The following TPRG1 variants were observed in gnomAD, a reference collection of about 807,000 sequenced individuals.
TPRG1 encodes tumor protein p63-regulated gene 1 protein.
In TPRG1, 29 loss-of-function variants were observed where a neutral mutation model predicts 29.3. The ratio of observed to expected loss-of-function variants is 0.99; its 90% CI spans 0.74 to 1.35. TPRG1 has a LOEUF of 1.35. Ranked by LOEUF, TPRG1 falls within the 40% of genes most tolerant of loss-of-function variation. The probability of loss-of-function intolerance (pLI) is 0.00; values close to 1 mark genes in which losing one functional copy is unlikely to be tolerated. For synonymous variants in TPRG1, 130 were observed against 116.8 expected (o/e 1.11, Z -0.73); for missense variants, 327 against 335.0 (o/e 0.98, Z 0.19).
chr3:189,186,455 T>C (rs1158168953), intron 1 of TPRG1, among the ~76,000 whole-genome samples: 1 of 152,176 alleles, frequency 6.6e-6, no homozygotes, highest in African/African-American at 2.4e-5. Context: ...AAAAACCTAG[T>C]AACTTGTTTT....
chr3:189,176,580 G>T (rs1192205400), intron 1 of TPRG1, among the ~76,000 whole-genome samples: 1 of 152,212 alleles, frequency 6.6e-6, no homozygotes, highest in Non-Finnish European at 1.5e-5. Flanking sequence ...AAAGAGGATA[G>T]AAAGTTATGG....
At chr3:189,188,456 C>T (rs983442564) in intron 1 of TPRG1, among the ~76,000 whole-genome samples, 3 of 152,184 alleles carry the variant, frequency 2.0e-5, no homozygotes, top group Admixed American at 6.5e-5. Context: ...TGGAATCACT[C>T]GTCTGGATAG....
chr3:189,187,611 C>T (rs1326542858), intron 1 of TPRG1, among the ~76,000 whole-genome samples: 2 of 152,170 alleles, frequency 1.3e-5, no homozygotes, highest in Non-Finnish European at 2.9e-5. Flanking sequence ...GCCACCGTGC[C>T]CAGCCTCATC....
At position 189,068,947 on chromosome 3, in the gene TPRG1, G is replaced by A. The variant is rs887470660; in HGVS notation, c.-463+45001G>A. On this transcript the variant is annotated intron_variant, in intron 4 of 10. Coordinates refer to the TPRG1 transcript ENST00000433971. ...TTCCACTCATTTGTGGAAGCTAAAC[G>A]TTAAAACAATTGGATTCATGAAGGT... Among the ~76,000 whole-genome samples, 25 of 152,144 alleles carry A rather than the reference G, an allele frequency of 1.6e-4. No homozygotes were observed. In the East Asian group the frequency reaches 2.1e-3, roughly 13 times the overall value.
intron 3 of TPRG1, among the ~76,000 whole-genome samples, chr3:189,023,253 C>T (rs560327061): frequency 1.4e-4 from 22 of 152,298 alleles, no homozygotes; most frequent in East Asian, 3.9e-4. Context: ...GGCTCCTCCC[C>T]GAGCTCTGAG....
intron 2 of TPRG1, among the ~76,000 whole-genome samples, chr3:189,208,667 TGTGA>T (rs1440993352): frequency 6.6e-6 from 1 of 152,190 alleles, no homozygotes; most frequent in Non-Finnish European, 1.5e-5. Context: ...TGTGTGTTTG[TGTGA>T]GTGTTTCTGC....
At chr3:189,098,875 C>T (rs1718874990), upstream of TPRG1, among the ~76,000 whole-genome samples, 2 of 152,130 alleles carry the variant, frequency 1.3e-5, 1 homozygote, top group South Asian at 4.1e-4. Flanking sequence ...ACAACAATCC[C>T]TGAGAGTCCT....
intron 1 of TPRG1, among the ~76,000 whole-genome samples, chr3:189,177,386 T>A (rs1729616001): frequency 6.6e-6 from 1 of 151,754 alleles, no homozygotes; most frequent in South Asian, 2.1e-4. Flanking sequence ...AAAATGGGAA[T>A]CATATATGTA....
chr3:189,137,870 G>T (rs1723979818), intron 3 of TPRG1, among the ~76,000 whole-genome samples: 1 of 152,088 alleles, frequency 6.6e-6, no homozygotes, highest in South Asian at 2.1e-4. Flanking sequence ...TCTTCTAAAG[G>T]TGAATCAAAT....
intron 4 of TPRG1, among the ~76,000 whole-genome samples, chr3:189,028,298 C>T (rs371277750): frequency 3.9e-5 from 6 of 152,290 alleles, no homozygotes; most frequent in East Asian, 3.9e-4. Context: ...TTGAGGGAGA[C>T]GCTTGGGCAT....
At chr3:189,114,375 C>T (rs567660495) in intron 1 of TPRG1, among the ~76,000 whole-genome samples, 4 of 152,128 alleles carry the variant, frequency 2.6e-5, no homozygotes, top group East Asian at 3.9e-4. Context: ...CTCTGCCTCC[C>T]GGGTTCAAGC....
At chr3:189,071,003 T>C (rs1716780655) in intron 4 of TPRG1, among the ~76,000 whole-genome samples, 1 of 151,694 alleles carries the variant, frequency 6.6e-6, no homozygotes, top group East Asian at 1.9e-4. Flanking sequence ...TTGATGAAAC[T>C]TCTGGCTTTG....
chr3:189,129,313 C>G (rs1392114807), intron 2 of TPRG1, among the ~76,000 whole-genome samples: 6 of 152,034 alleles, frequency 3.9e-5, no homozygotes, highest in African/African-American at 1.5e-4. Context: ...TTTTTCTGAT[C>G]TTTTCTTGGG....
chr3:189,195,845 A>T (rs1003923149), intron 1 of TPRG1, among the ~76,000 whole-genome samples: 1 of 152,170 alleles, frequency 6.6e-6, no homozygotes, highest in Non-Finnish European at 1.5e-5. Context: ...TTTCCTTCCC[A>T]TCTCTACGTA....
chr3:189,138,598 G>C (rs886372884), intron 3 of TPRG1, among the ~76,000 whole-genome samples: 1 of 152,098 alleles, frequency 6.6e-6, no homozygotes, highest in Non-Finnish European at 1.5e-5. Flanking sequence ...GATCAGGCAC[G>C]CATAGGAAGT....
chr3:189,130,163 A>G (rs762124409), intron 2 of TPRG1, among the ~76,000 whole-genome samples: 5 of 152,336 alleles, frequency 3.3e-5, no homozygotes, highest in South Asian at 4.1e-4. Context: ...ATCTTGGCAC[A>G]TACATCATGT....
chr3:189,190,631 A>G (rs959307685), intron 1 of TPRG1, among the ~76,000 whole-genome samples: 1 of 152,204 alleles, frequency 6.6e-6, no homozygotes. Context: ...TGCAGGATCA[A>G]GATACTTCAT....
chr3:189,094,017 A>T (rs928816710), intron 4 of TPRG1, among the ~76,000 whole-genome samples: 3 of 152,012 alleles, frequency 2.0e-5, no homozygotes, highest in South Asian at 2.1e-4. Flanking sequence ...TTCATTTTTC[A>T]GTTTGTAACT....
chr3:189,023,746 C>T (rs1333881079), intron 3 of TPRG1: 2 of 152,560 alleles, frequency 1.3e-5, no homozygotes, highest in African/African-American at 2.4e-5. Flanking sequence ...CCACTCTTTT[C>T]TAGGGCTGCT....
Sources: gnomAD v4.1 joint callset for allele counts (sites outside exome capture counted in the v4.1 genomes callset) on GRCh38, gnomAD v4.1.1 for gene constraint, MANE v1.5 for transcripts, NCBI Gene and HGNC (gene_info 2026-07-23, HGNC 2026-07-21) for gene names.